Variants in HSPA12A observed in about 807,000 individuals in gnomAD.
HSPA12A encodes heat shock protein family A (Hsp70) member 12A.
A neutral mutation model predicts 69.2 loss-of-function variants in HSPA12A; 28 were observed. That is an observed-to-expected ratio of 0.40 (90% CI 0.30 to 0.55). The LOEUF (loss-of-function observed/expected upper bound fraction) is 0.55. Among genes scored for constraint, HSPA12A ranks in the 20% least tolerant of loss-of-function variants. HSPA12A has a pLI of 0.38. For synonymous variants in HSPA12A, 345 were observed against 370.5 expected, an observed-to-expected ratio of 0.93 and a Z score of 0.79; for missense variants, 686 against 900.7, an observed-to-expected ratio of 0.76 and a Z score of 3.05.
intron 2 of HSPA12A, among the ~76,000 whole-genome samples, chr10:116,795,290 TA>T (rs1477298188): frequency 6.6e-6 from 1 of 152,240 alleles, no homozygotes; most frequent in Non-Finnish European, 1.5e-5. Flanking sequence ...GGCACATATT[TA>T]TTTTACTAGA....
Position 116,675,543 on chromosome 10 carries a change from C to G in HSPA12A, c.1391-125G>C. On this transcript the variant is annotated intron_variant, in intron 11 of 11. Coordinates refer to ENST00000369209, the MANE Select transcript of HSPA12A (RefSeq NM_025015.3). The surrounding 1 kb of genome is among the most constrained non-coding windows in gnomAD (Gnocchi z 5.2). The stretch of plus-strand genomic sequence containing the variant: ...GGGCCACTGGGAGGGCAGGCTTACT[C>G]TGAGCTCCTTGAACAGAATCTTTGC... 1.0e-6 allele frequency: 1 copy of G among 954,866 alleles called. No homozygotes were observed. Among genetic ancestry groups the G allele is most frequent in the Non-Finnish European group, 1.5e-6 (1 of 649,520 alleles). 59.1% of individuals were successfully genotyped at this position (954,866 alleles called of 1,614,324 possible).
chr10:116,698,638 C>T lies in HSPA12A; in HGVS notation c.543G>A (p.Leu181=), dbSNP rs1589639177. 6.2e-7 allele frequency: 1 copy of T among 1,611,796 alleles called. No homozygotes were observed. The highest frequency in any genetic ancestry group is 8.5e-7 in the Non-Finnish European group (1 of 1,178,160). The change falls in exon 5 of 12, where the codon CTG becomes CTA. Residue 181 remains leucine (L), a synonymous_variant. Transcript: ENST00000369209. ...YALQYFKEQA[L]KELSDQAGSE... is the part of the protein sequence containing the mutation. The stretch of plus-strand genomic sequence containing the variant: ...TGGCCTCAACTATCAGTCCTACCTT[C>T]AGCGCCTGCTCCTTAAAGTACTGCA...
At chr10:116,726,102 T>C (rs1349177994) in intron 1 of HSPA12A, among the ~76,000 whole-genome samples, 1 of 151,348 alleles carries the variant, frequency 6.6e-6, no homozygotes, top group Non-Finnish European at 1.5e-5. Flanking sequence ...CATGGTTCTC[T>C]ACCCAATCCT....
chr10:116,738,603 C>T (rs1221699209), intron 1 of HSPA12A, among the ~76,000 whole-genome samples: 3 of 152,122 alleles, frequency 2.0e-5, no homozygotes, highest in Non-Finnish European at 2.9e-5. Flanking sequence ...CAATGAGATA[C>T]AGGCATACAA....
intron 2 of HSPA12A, among the ~76,000 whole-genome samples, chr10:116,776,446 T>C (rs782618673): frequency 7.9e-5 from 12 of 152,198 alleles, no homozygotes; most frequent in Non-Finnish European, 1.6e-4. Context: ...ACAGTAAAAC[T>C]CTACGCTCAA....
intron 4 of HSPA12A, among the ~76,000 whole-genome samples, chr10:116,699,672 C>A (rs989364302): frequency 6.6e-6 from 1 of 152,182 alleles, no homozygotes; most frequent in East Asian, 1.9e-4. Context: ...TGGTGCCCAA[C>A]AAAGATACCC....
In HSPA12A at chr10:116,774,785, GCCTGACTCCACCCTGAC is replaced by G. The variant is rs548075965; in HGVS notation, c.91+60133_91+60149del. 1.3e-4 allele frequency among the ~76,000 whole-genome samples: 20 copies of G among 152,254 alleles called. No individual in the cohort carries two copies. In the South Asian group the frequency reaches 4.2e-3, roughly 32 times the overall value. ...TCCCATGCCTGCCCACGTGGCCCTG[GCCTGACTCCACCCTGAC>G]CCTGCAGGCTGCACAAGCCTGGAGC... is the stretch of plus-strand genomic sequence containing the variant. On this transcript the variant is annotated intron_variant, in intron 2 of 12. Transcript: ENST00000635765.
At position 116,680,642 on chromosome 10, in the gene HSPA12A, C is replaced by T. The variant is rs147059788; in HGVS notation, c.1027+510G>A. On this transcript the variant is annotated intron_variant, in intron 9 of 11. Transcript: ENST00000369209. ...CTGGGGCTACAGGTGTGCACCACCA[C>T]GCCCAGCTAATTTTTGTATTTTTAG... Among the ~76,000 whole-genome samples, 908 of 152,260 alleles carry T rather than the reference C, an allele frequency of 6.0e-3. 4 individuals are homozygous for T. Among genetic ancestry groups the T allele is most frequent in the African/African-American group, 0.019 (798 of 41,554 alleles).
At chr10:116,757,026 T>G (rs1843865716) in intron 2 of HSPA12A, among the ~76,000 whole-genome samples, 1 of 152,160 alleles carries the variant, frequency 6.6e-6, no homozygotes, top group Non-Finnish European at 1.5e-5. Flanking sequence ...GGTAATAGTA[T>G]TATATTCACG....
At chr10:116,697,928 C>G (rs2901120) in intron 5 of HSPA12A, among the ~76,000 whole-genome samples, 79,992 of 151,772 alleles carry the variant, frequency 0.53, 21,460 homozygotes, top group Middle Eastern at 0.66. Context: ...GAATCACATG[C>G]TATGTGGCTA....
At chr10:116,845,836 T>C (rs1845871289) in intron 1 of HSPA12A, among the ~76,000 whole-genome samples, 1 of 152,188 alleles carries the variant, frequency 6.6e-6, no homozygotes, top group Admixed American at 6.5e-5. Flanking sequence ...CCACAAATAT[T>C]TCCTAATATC....
At chr10:116,799,766 C>T (rs940607347) in intron 2 of HSPA12A, among the ~76,000 whole-genome samples, 1 of 152,186 alleles carries the variant, frequency 6.6e-6, no homozygotes, top group Non-Finnish European at 1.5e-5. Context: ...AGGGCTGTCT[C>T]CAAGTGCTTC....
chr10:116,731,936 TG>T (rs1648074416), intron 1 of HSPA12A, among the ~76,000 whole-genome samples: 1 of 151,988 alleles, frequency 6.6e-6, no homozygotes, highest in South Asian at 2.1e-4. Context: ...CATTTCAACA[TG>T]GGGGTCACTG....
At chr10:116,769,157 A>G (rs1458852282) in intron 2 of HSPA12A, among the ~76,000 whole-genome samples, 1 of 152,120 alleles carries the variant, frequency 6.6e-6, no homozygotes, top group Non-Finnish European at 1.5e-5. Context: ...TGACTGACCA[A>G]TCATCACTTG....
At chr10:116,681,947 G>T in intron 7 of HSPA12A, 70 bp from the exon 8 acceptor site, 2 of 1,407,912 alleles carry the variant, frequency 1.4e-6, no homozygotes, top group Non-Finnish European at 1.0e-6. Flanking sequence ...TTTGCAGTCA[G>T]TGAAGGCAAT....
In HSPA12A at chr10:116,782,300, T is replaced by C. The variant is rs575329019; in HGVS notation, c.91+52635A>G. ...CTAGAAAGAGGCTTATTCGACTGTT[T>C]TGGAAATTTGGCAATCTCTGAAAAG... On this transcript the variant is annotated intron_variant, in intron 2 of 12. Coordinates refer to the HSPA12A transcript ENST00000635765. Among the ~76,000 whole-genome samples the C allele has an allele frequency of 5.3e-5, 8 of 152,296 alleles. No individual in the cohort carries two copies. In the East Asian group the frequency reaches 1.4e-3, roughly 26 times the overall value.
intron 2 of HSPA12A, among the ~76,000 whole-genome samples, chr10:116,787,170 T>A (rs1300949931): frequency 6.6e-6 from 1 of 152,010 alleles, no homozygotes; most frequent in Non-Finnish European, 1.5e-5. Flanking sequence ...AAAACGTCCA[T>A]GGGATCTCAT....
At chr10:116,840,577 G>C (rs1335208013) in intron 1 of HSPA12A, among the ~76,000 whole-genome samples, 1 of 152,134 alleles carries the variant, frequency 6.6e-6, no homozygotes, top group African/African-American at 2.4e-5. Context: ...TCAGGTCCAT[G>C]GTTAATAGGA....
At chr10:116,826,991 T>A (rs1845519988) in intron 2 of HSPA12A, among the ~76,000 whole-genome samples, 1 of 152,168 alleles carries the variant, frequency 6.6e-6, no homozygotes, top group African/African-American at 2.4e-5. Flanking sequence ...GACTAGTAAG[T>A]GGCAAGCCCG....
Sources: allele counts gnomAD v4.1 joint callset (sites outside exome capture counted in the v4.1 genomes callset), GRCh38; gene constraint gnomAD v4.1.1; non-coding constraint Gnocchi (gnomAD v3.1); transcripts MANE v1.5; gene names NCBI Gene and HGNC (gene_info 2026-07-23, HGNC 2026-07-21).